The following GNAI1 variants were observed in gnomAD, a reference collection of about 807,000 sequenced individuals.
The protein encoded by GNAI1 is G protein subunit alpha i1.
A neutral mutation model predicts 38.9 loss-of-function variants in GNAI1; 11 were observed. That is an observed-to-expected ratio of 0.28 (90% CI 0.18 to 0.47). The LOEUF is 0.47. GNAI1 is among the 20% of genes least tolerant of loss of function. GNAI1 has a pLI of 0.99. For synonymous variants in GNAI1, 166 were observed against 145.1 expected, an observed-to-expected ratio of 1.14 and a Z score of -1.04; for missense variants, 317 against 436.9, an observed-to-expected ratio of 0.73 and a Z score of 2.45.
intron 5 of GNAI1, among the ~76,000 whole-genome samples, chr7:80,210,364 T>C (rs1226903257): frequency 1.3e-5 from 2 of 152,192 alleles, no homozygotes; most frequent in African/African-American, 4.8e-5. Context: ...CATATTTCAG[T>C]TCTCTCATTT....
intron 1 of GNAI1, among the ~76,000 whole-genome samples, chr7:80,159,245 C>T (rs571552090): frequency 6.6e-6 from 1 of 152,164 alleles, no homozygotes; most frequent in Non-Finnish European, 1.5e-5. Flanking sequence ...GCCCTTGTGC[C>T]CTATTTCAGT....
At chr7:80,160,384 C>G (rs1310629789) in intron 1 of GNAI1, among the ~76,000 whole-genome samples, 1 of 151,584 alleles carries the variant, frequency 6.6e-6, no homozygotes, top group Non-Finnish European at 1.5e-5. Context: ...ATTCATTATT[C>G]TGTAAGAGAA....
chr7:80,143,536 A>T (rs1273243386), intron 1 of GNAI1, among the ~76,000 whole-genome samples: 1 of 152,026 alleles, frequency 6.6e-6, no homozygotes, highest in Non-Finnish European at 1.5e-5. Flanking sequence ...TGTCTAAGGA[A>T]TTTTTTTCCC....
intron 7 of GNAI1, 56 bp from the exon 8 acceptor site, chr7:80,217,247 T>TCATAGGTATGAAAC: frequency 2.4e-6 from 1 of 419,550 alleles, no homozygotes; most frequent in Non-Finnish European, 3.4e-6. Context: ...AATTCAGTAT[T>TCATAGGTATGAAAC]TTAAGCAGTT....
chr7:80,135,435 C>T (rs190779585), intron 1 of GNAI1, 157 bp downstream of exon 1: 6,978 of 435,060 alleles, frequency 0.016, 104 homozygotes, highest in East Asian at 0.061. Flanking sequence ...CAAGGCGGGT[C>T]CCCCTCTCCC....
intron 1 of GNAI1, among the ~76,000 whole-genome samples, chr7:80,164,996 A>G (rs761572319): frequency 8.5e-5 from 13 of 152,222 alleles, no homozygotes; most frequent in Admixed American, 7.2e-4. Context: ...TGTCTCCAAA[A>G]AAGAGAAAGC....
intron 1 of GNAI1, among the ~76,000 whole-genome samples, chr7:80,164,206 A>G (rs1048905002): frequency 1.3e-5 from 2 of 150,188 alleles, no homozygotes; most frequent in Admixed American, 1.3e-4. Flanking sequence ...CACCACATCC[A>G]GCTAATTTTT....
At chr7:80,163,982 T>C (rs557831218) in intron 1 of GNAI1, among the ~76,000 whole-genome samples, 114 of 150,170 alleles carry the variant, frequency 7.6e-4, no homozygotes, top group Admixed American at 4.6e-3. Context: ...TTTTTTTTTT[T>C]GGTGGGGGGA....
At chr7:80,209,054 G>GC (rs1288862766) in intron 5 of GNAI1, among the ~76,000 whole-genome samples, 3 of 152,126 alleles carry the variant, frequency 2.0e-5, no homozygotes, top group Non-Finnish European at 4.4e-5. Flanking sequence ...TCAGCTCTTA[G>GC]CAGAATTGTC....
At chr7:80,203,945 A>G in intron 5 of GNAI1, 113 bp downstream of exon 5, 2 of 619,280 alleles carry the variant, frequency 3.2e-6, no homozygotes, top group Non-Finnish European at 5.1e-6. Context: ...TTACAGTTGG[A>G]AAAAAACTTT....
At chr7:80,167,297 C>T (rs926286587) in intron 1 of GNAI1, among the ~76,000 whole-genome samples, 7 of 152,152 alleles carry the variant, frequency 4.6e-5, no homozygotes, top group Non-Finnish European at 1.0e-4. Flanking sequence ...ACATTTGTAG[C>T]GTCTGTAGTA....
chr7:80,213,739 T>C (rs1788912030), intron 7 of GNAI1, among the ~76,000 whole-genome samples: 1 of 152,016 alleles, frequency 6.6e-6, no homozygotes, highest in South Asian at 2.1e-4. Flanking sequence ...GAGCATTCAG[T>C]ATGCCTTAAA....
chr7:80,182,768 T>C (rs181602848), intron 1 of GNAI1, among the ~76,000 whole-genome samples: 12 of 152,306 alleles, frequency 7.9e-5, no homozygotes, highest in African/African-American at 2.9e-4. Flanking sequence ...CTTTATACAT[T>C]ACAGCCTATT....
At chr7:80,149,296 C>G (rs1407793090) in intron 1 of GNAI1, among the ~76,000 whole-genome samples, 2 of 152,088 alleles carry the variant, frequency 1.3e-5, no homozygotes, top group African/African-American at 4.8e-5. Context: ...CATTTACAGT[C>G]ATGTACTATG....
At chr7:80,197,668 A>G (rs1788602899) in intron 3 of GNAI1, among the ~76,000 whole-genome samples, 1 of 152,032 alleles carries the variant, frequency 6.6e-6, no homozygotes, top group South Asian at 2.1e-4. Flanking sequence ...ATGTTATGTG[A>G]GGTTTATTAA....
chr7:80,216,913 A>C (rs574607352), intron 7 of GNAI1, among the ~76,000 whole-genome samples: 9 of 152,252 alleles, frequency 5.9e-5, no homozygotes, highest in African/African-American at 2.2e-4. Context: ...CATTCAGCCA[A>C]CATTTTTTGA....
chr7:80,217,687 C>A lies in GNAI1; in HGVS notation c.*194C>A. 2.6e-6 allele frequency: 1 copy of A among 385,264 alleles called. No individual in the cohort carries two copies. The highest frequency in any genetic ancestry group is 4.6e-6 in the Non-Finnish European group (1 of 215,670). The allele number at this position is 385,264 out of a possible 1,614,324, so 23.9% of individuals were successfully genotyped here. ...CCTTTCTTAAATGTGACAGATGGTC[C>A]TGCAGTGTGAAACTGAAGGACAGTG... On this transcript the variant is annotated 3_prime_UTR_variant, in exon 8 of 8. Coordinates refer to ENST00000649796, the MANE Select transcript of GNAI1 (RefSeq NM_002069.6).
rs1220420774 is a variant in GNAI1 at position 80,224,661 on chromosome 7, G to A, written c.*7168G>A. ...AGCCAGTGCAGTAAAGAAGTAAAGAGCTCTCTGTGTGTTAACCCTCCATTT... is the reference window on the plus strand; with the variant it reads ...AGCCAGTGCAGTAAAGAAGTAAAGAACTCTCTGTGTGTTAACCCTCCATTT... On this transcript the variant is annotated 3_prime_UTR_variant, in exon 8 of 8. Coordinates refer to ENST00000649796, the MANE Select transcript of GNAI1 (RefSeq NM_002069.6). Among the ~76,000 whole-genome samples the A allele has an allele frequency of 6.6e-6, 1 of 152,184 alleles. No individual in the cohort carries two copies. Among genetic ancestry groups the A allele is most frequent in the African/African-American group, 2.4e-5 (1 of 41,458 alleles).
chr7:80,191,940 G>GT (rs1432396834), intron 3 of GNAI1, among the ~76,000 whole-genome samples: 4 of 151,886 alleles, frequency 2.6e-5, no homozygotes, highest in African/African-American at 4.8e-5. Flanking sequence ...TCTTTTTCTA[G>GT]TTTTTTTCTG....
Sources: gnomAD v4.1 joint callset for allele counts (sites outside exome capture counted in the v4.1 genomes callset) on GRCh38, gnomAD v4.1.1 for gene constraint, MANE v1.5 for transcripts, NCBI Gene and HGNC (gene_info 2026-07-23, HGNC 2026-07-21) for gene names.